Variants in TMX3 observed in about 807,000 individuals in gnomAD.
TMX3 encodes the protein protein disulfide-isomerase TMX3.
Under a neutral mutation model 64.4 loss-of-function variants are expected in TMX3, and 40 were observed. The observed-to-expected ratio is 0.62, with a 90% CI of 0.48 to 0.81. The LOEUF (loss-of-function observed/expected upper bound fraction) is 0.81. Ranked by LOEUF, TMX3 falls within the 30% of genes least tolerant of loss-of-function variation. The pLI, the probability that TMX3 is intolerant of heterozygous loss-of-function variation, is 0.00. For missense variants in TMX3, 497 were observed against 534.5 expected, an observed-to-expected ratio of 0.93 and a Z score of 0.69; for synonymous variants, 189 against 175.7, an observed-to-expected ratio of 1.08 and a Z score of -0.60.
rs528350228 is a variant in TMX3, at chr18:68,711,927, A to T, written c.102-524T>A. ...CTCCCCTGAAGATGTGCAGTCCAGCAGGGGTACTGTACCTTACCATCAGCT... is the reference window on the plus strand; with the variant it reads ...CTCCCCTGAAGATGTGCAGTCCAGCTGGGGTACTGTACCTTACCATCAGCT... On this transcript the variant is annotated intron_variant, in intron 2 of 15. Coordinates refer to ENST00000299608, the MANE Select transcript of TMX3 (RefSeq NM_019022.5). 1.3e-4 allele frequency among the ~76,000 whole-genome samples: 20 copies of T among 152,316 alleles called. 2 individuals are homozygous for T. The South Asian group carries it at 3.7e-3, about 28-fold the overall frequency.
chr18:68,690,016 A>G (rs1267457962), intron 9 of TMX3: 1 of 152,050 alleles, frequency 6.6e-6, no homozygotes, highest in Non-Finnish European at 1.5e-5. Flanking sequence ...TCTCACATTT[A>G]TTTAAAGACA....
At chr18:68,701,230 A>C (rs2030027407) in intron 5 of TMX3, among the ~76,000 whole-genome samples, 1 of 152,164 alleles carries the variant, frequency 6.6e-6, no homozygotes. Flanking sequence ...TTTTAAACTT[A>C]CGTTATTATA....
intron 6 of TMX3, among the ~76,000 whole-genome samples, chr18:68,698,801 G>C (rs933883482): frequency 1.3e-5 from 2 of 152,032 alleles, no homozygotes; most frequent in African/African-American, 4.8e-5. Flanking sequence ...TGGATCATGA[G>C]GTCAGGAGGT....
At position 68,687,906 on chromosome 18, in the gene TMX3, GCATA is replaced by G. The variant is rs33920607; in HGVS notation, c.638-145_638-142del. ...TATTGTTTTTAGGAATTTATTGCAA[GCATA>G]CAATCAAATGTACAGAAGGATTAAT... On this transcript the variant is annotated intron_variant, in intron 9 of 15. Coordinates refer to ENST00000299608, the MANE Select transcript of TMX3 (RefSeq NM_019022.5). The G allele has an allele frequency of 0.016, 8,093 of 512,326 alleles. 528 individuals are homozygous for G. Among genetic ancestry groups the G allele is most frequent in the African/African-American group, 0.14 (7,144 of 50,542 alleles). The allele number at this position is 512,326 out of a possible 1,614,324, so 31.7% of individuals were successfully genotyped here.
At position 68,715,034 on chromosome 18, in the gene TMX3, C is replaced by A. The variant is rs1813151159; in HGVS notation, c.-53G>T. 6.5e-7 allele frequency: 1 copy of A among 1,550,204 alleles called. No individual in the cohort carries two copies. Among genetic ancestry groups the A allele is most frequent in the Non-Finnish European group, 8.7e-7 (1 of 1,146,980 alleles). ...ACTGTGCAAAAGAGGGATAAAGACA[C>A]TGGGGTCCGCCGCCTGCCCGCCCGG... On this transcript the variant is annotated 5_prime_UTR_variant, in exon 1 of 16. Transcript: ENST00000299608.
At chr18:68,698,841 C>A (rs1599325841) in intron 6 of TMX3, among the ~76,000 whole-genome samples, 1 of 151,344 alleles carries the variant, frequency 6.6e-6, no homozygotes, top group Non-Finnish European at 1.5e-5. Flanking sequence ...ACGGTGAAAT[C>A]CCGTCTCTAC....
chr18:68,700,940 T>A lies in TMX3; in HGVS notation c.312-455A>T, dbSNP rs554538887. The A allele has an allele frequency of 1.4e-5, 14 of 984,992 alleles. No homozygotes were observed. In the South Asian group the frequency reaches 4.7e-4, roughly 33 times the overall value. The allele number at this position is 984,992 out of a possible 1,614,324, so 61.0% of individuals were successfully genotyped here. On this transcript the variant is annotated intron_variant, in intron 5 of 15. Transcript: ENST00000299608. ...CAACATTACAGAGTAAAACGATGCA[T>A]TAAAAACAGCTCTTCTAGAAACGTA...
intron 4 of TMX3, 74 bp downstream of exon 4, chr18:68,709,947 C>T (rs1220297833): frequency 7.1e-7 from 1 of 1,401,678 alleles, no homozygotes; most frequent in Non-Finnish European, 9.4e-7. Context: ...AGTCTTCCTC[C>T]CACCCTGAAT....
intron 3 of TMX3, among the ~76,000 whole-genome samples, chr18:68,710,486 A>G (rs559213755): frequency 2.0e-5 from 3 of 152,318 alleles, no homozygotes; most frequent in African/African-American, 7.2e-5. Context: ...ATAAACATAT[A>G]TATACAACAT....
chr18:68,709,114 A>G (rs1291829985), intron 4 of TMX3, among the ~76,000 whole-genome samples: 2 of 152,138 alleles, frequency 1.3e-5, no homozygotes, highest in African/African-American at 4.8e-5. Context: ...AAACCTCAAA[A>G]CCACCAATAA....
At chr18:68,708,366 C>A (rs1462832706) in intron 4 of TMX3, among the ~76,000 whole-genome samples, 3 of 152,072 alleles carry the variant, frequency 2.0e-5, no homozygotes, top group Admixed American at 2.0e-4. Context: ...TCATTGGTAA[C>A]TTAGAAATGC....
intron 9 of TMX3, chr18:68,690,985 A>G (rs1914465415): frequency 3.6e-6 from 1 of 280,528 alleles, no homozygotes; most frequent in Non-Finnish European, 6.6e-6. Context: ...CTGAAATGTT[A>G]CTTCAAAAAA....
intron 15 of TMX3, among the ~76,000 whole-genome samples, 160 bp downstream of exon 15, chr18:68,679,303 C>T (rs1347070566): frequency 1.3e-5 from 2 of 152,026 alleles, no homozygotes; most frequent in South Asian, 2.1e-4. Context: ...AAACAATTTC[C>T]ACCTAATGAA....
At position 68,697,291 on chromosome 18, in the gene TMX3, C is replaced by A; in HGVS notation, c.505G>T (p.Asp169Tyr). The change falls in exon 8 of 16, where the codon GAT becomes TAT. Residue 169 changes from aspartate to tyrosine, a missense_variant. This residue lies in a region of TMX3 where 360 missense variants were observed against 383.5 expected (regional missense o/e 0.94). Coordinates refer to ENST00000299608, the MANE Select transcript of TMX3 (RefSeq NM_019022.5). The stretch of plus-strand genomic sequence containing the variant: ...TATACAATCAATTCTGAAGCAGCAT[C>A]TATGTATTTCTCCTATGAAGATACA... Reference protein sequence around the residue: ...GESPLKEKYIDAASELIVYTY... With the variant: ...GESPLKEKYIYAASELIVYTY... The A allele has an allele frequency of 6.4e-7, 1 of 1,561,454 alleles. No homozygotes were observed. Among genetic ancestry groups the A allele is most frequent in the Non-Finnish European group, 8.7e-7 (1 of 1,151,276 alleles).
At chr18:68,707,669 CTAT>C (rs1158354383) in intron 4 of TMX3, among the ~76,000 whole-genome samples, 1 of 152,134 alleles carries the variant, frequency 6.6e-6, no homozygotes, top group East Asian at 1.9e-4. Flanking sequence ...CTCCACTGAC[CTAT>C]TCAAGTGATC....
intron 8 of TMX3, among the ~76,000 whole-genome samples, chr18:68,692,793 GAAGT>G (rs1914650845): frequency 6.6e-6 from 1 of 152,104 alleles, no homozygotes; most frequent in Non-Finnish European, 1.5e-5. Flanking sequence ...AAAAATAATA[GAAGT>G]AATACACAAA....
intron 1 of TMX3, 62 bp from the exon 2 acceptor site, chr18:68,713,962 CT>C: frequency 8.3e-7 from 1 of 1,203,986 alleles, no homozygotes. Flanking sequence ...ACCGTATAAG[CT>C]TAGTCATCTC....
chr18:68,711,610 G>A (rs1178830839), intron 2 of TMX3, among the ~76,000 whole-genome samples: 1 of 152,146 alleles, frequency 6.6e-6, no homozygotes. Context: ...AAGTAATTAG[G>A]AGGAAAGACT....
chr18:68,709,804 G>A (rs894450833), intron 4 of TMX3, among the ~76,000 whole-genome samples: 1 of 150,752 alleles, frequency 6.6e-6, no homozygotes, highest in African/African-American at 2.5e-5. Flanking sequence ...AAGGAGAAAG[G>A]ATGGTTTAAA....
Sources: allele counts gnomAD v4.1 joint callset (sites outside exome capture counted in the v4.1 genomes callset), GRCh38; gene constraint gnomAD v4.1.1; regional missense constraint gnomAD v4.1.1; transcripts MANE v1.5; gene names NCBI Gene and HGNC (gene_info 2026-07-23, HGNC 2026-07-21).